Variants in PLPPR1 observed in about 807,000 individuals in gnomAD.
The protein encoded by PLPPR1 is phospholipid phosphatase-related protein type 1.
In PLPPR1, 10 loss-of-function variants were observed where a neutral mutation model predicts 33.1. That is an observed-to-expected ratio of 0.30 (90% confidence interval 0.19 to 0.51). The LOEUF is 0.51. Among genes scored for constraint, PLPPR1 ranks in the 20% least tolerant of loss-of-function variants. PLPPR1 has a pLI of 0.97. For missense variants in PLPPR1, 304 were observed against 408.1 expected (o/e 0.74, Z 2.20); for synonymous variants, 151 against 151.0 (o/e 1.00, Z 0.00).
intron 2 of PLPPR1, among the ~76,000 whole-genome samples, chr9:101,259,438 T>C (rs1482914904): frequency 6.6e-6 from 1 of 152,100 alleles, no homozygotes; most frequent in African/African-American, 2.4e-5. Context: ...AATAGCAAAT[T>C]GTAATAGACT....
intron 1 of PLPPR1, among the ~76,000 whole-genome samples, chr9:101,091,372 C>T (rs759085695): frequency 6.6e-6 from 1 of 152,130 alleles, no homozygotes; most frequent in Non-Finnish European, 1.5e-5. Flanking sequence ...CACAATGACC[C>T]TCACTGAGCC....
At chr9:101,176,913 A>AAGGAT (rs1826027157) in intron 1 of PLPPR1, among the ~76,000 whole-genome samples, 1 of 152,248 alleles carries the variant, frequency 6.6e-6, no homozygotes, top group African/African-American at 2.4e-5. Context: ...AAATCCTGAA[A>AAGGAT]AGGATCATAG....
chr9:101,098,129 C>T (rs1002063357), intron 1 of PLPPR1, among the ~76,000 whole-genome samples: 5 of 151,976 alleles, frequency 3.3e-5, no homozygotes, highest in Non-Finnish European at 5.9e-5. Flanking sequence ...CTCTGGAGGC[C>T]GAGTGGAAGA....
At chr9:101,182,242 G>A (rs750311105) in intron 1 of PLPPR1, among the ~76,000 whole-genome samples, 2 of 151,552 alleles carry the variant, frequency 1.3e-5, no homozygotes, top group African/African-American at 2.4e-5. Flanking sequence ...GGCTGGAAGA[G>A]GGGGATGGAT....
chr9:101,050,143 A>AT (rs1830202151), intron 1 of PLPPR1, among the ~76,000 whole-genome samples: 1 of 151,386 alleles, frequency 6.6e-6, no homozygotes. Flanking sequence ...AAAAAAAAAA[A>AT]AAAAAGAGTA....
intron 2 of PLPPR1, among the ~76,000 whole-genome samples, chr9:101,189,348 C>T (rs1826256158): frequency 6.6e-6 from 1 of 151,964 alleles, no homozygotes; most frequent in African/African-American, 2.4e-5. Flanking sequence ...TTATGGAGAC[C>T]AAAATTTTAT....
At chr9:101,209,803 T>A (rs2118764763) in intron 2 of PLPPR1, among the ~76,000 whole-genome samples, 1 of 152,318 alleles carries the variant, frequency 6.6e-6, no homozygotes, top group East Asian at 1.9e-4. Flanking sequence ...GATAATTTTT[T>A]AGCGAGAAGT....
At chr9:101,035,104 G>A (rs897555012) in intron 1 of PLPPR1, among the ~76,000 whole-genome samples, 1 of 152,246 alleles carries the variant, frequency 6.6e-6, no homozygotes, top group South Asian at 2.1e-4. Context: ...TTGTTTTAGG[G>A]AAACGACTAC....
chr9:101,038,304 G>A (rs1830035220), intron 1 of PLPPR1, among the ~76,000 whole-genome samples: 2 of 152,056 alleles, frequency 1.3e-5, no homozygotes, highest in African/African-American at 4.8e-5. Context: ...ATATATCTTA[G>A]GGTCCTTTGG....
chr9:101,203,053 C>T (rs1826521101), intron 2 of PLPPR1, among the ~76,000 whole-genome samples: 1 of 152,198 alleles, frequency 6.6e-6, no homozygotes, highest in African/African-American at 2.4e-5. Context: ...CCCAAGACCT[C>T]AAATCATCGA....
chr9:101,322,180 A>G (rs1829164419), intron 7 of PLPPR1, among the ~76,000 whole-genome samples: 1 of 132,260 alleles, frequency 7.6e-6, no homozygotes, highest in South Asian at 2.6e-4. Flanking sequence ...CCTGGGGGAC[A>G]ACAGCAAGAC....
chr9:101,275,427 C>T (rs112248575), intron 3 of PLPPR1, among the ~76,000 whole-genome samples: 68 of 152,314 alleles, frequency 4.5e-4, no homozygotes, highest in African/African-American at 1.4e-3. Context: ...TATTGAGACA[C>T]GGCCACATGG....
At position 101,258,622 on chromosome 9, in the gene PLPPR1, C is replaced by T. The variant is rs182185895; in HGVS notation, c.64-11258C>T. On this transcript the variant is annotated intron_variant, in intron 2 of 7. Transcript: ENST00000374874. ...CAAGTGAATAAATAAGTAAAATGCACAAGTCATCCATGACCTTCTATTCAC... is the reference window on the plus strand; with the variant it reads ...CAAGTGAATAAATAAGTAAAATGCATAAGTCATCCATGACCTTCTATTCAC... Among the ~76,000 whole-genome samples the T allele has an allele frequency of 1.2e-3, 190 of 152,262 alleles. 7 individuals are homozygous for T. Among genetic ancestry groups the T allele is most frequent in the Admixed American group, 0.012 (179 of 15,288 alleles).
intron 1 of PLPPR1, among the ~76,000 whole-genome samples, chr9:101,169,257 A>G (rs571122646): frequency 6.6e-6 from 1 of 151,914 alleles, no homozygotes; most frequent in East Asian, 1.9e-4. Context: ...TCCAAAACTC[A>G]TTTTCTTTCA....
intron 1 of PLPPR1, among the ~76,000 whole-genome samples, chr9:101,072,106 A>G (rs1564136454): frequency 6.6e-6 from 1 of 152,152 alleles, no homozygotes; most frequent in Admixed American, 6.5e-5. Context: ...TTAGTAGTGT[A>G]TTAGTTAGAT....
intron 6 of PLPPR1, among the ~76,000 whole-genome samples, chr9:101,313,658 C>G (rs1022808250): frequency 1.3e-5 from 2 of 152,148 alleles, no homozygotes; most frequent in Non-Finnish European, 2.9e-5. Context: ...TGGCCACCTG[C>G]TCACCTAGGA....
chr9:101,142,267 T>C (rs1228342849), intron 1 of PLPPR1, among the ~76,000 whole-genome samples: 1 of 152,182 alleles, frequency 6.6e-6, no homozygotes, highest in Non-Finnish European at 1.5e-5. Flanking sequence ...TATTAACCAT[T>C]ATACCATTCT....
At chr9:101,053,139 A>G (rs991083761) in intron 1 of PLPPR1, among the ~76,000 whole-genome samples, 4 of 152,222 alleles carry the variant, frequency 2.6e-5, no homozygotes, top group Non-Finnish European at 5.9e-5. Flanking sequence ...TACCTAAAAC[A>G]GAACATGTAA....
chr9:101,101,800 GA>G (rs892272279), intron 1 of PLPPR1, among the ~76,000 whole-genome samples: 1 of 151,926 alleles, frequency 6.6e-6, no homozygotes, highest in Non-Finnish European at 1.5e-5. Flanking sequence ...GGTATTTCTT[GA>G]ATATATTTAG....
Sources: gnomAD v4.1 joint callset for allele counts (sites outside exome capture counted in the v4.1 genomes callset) on GRCh38, gnomAD v4.1.1 for gene constraint, MANE v1.5 for transcripts, NCBI Gene and HGNC (gene_info 2026-07-23, HGNC 2026-07-21) for gene names.